Variants in CD36 observed in about 807,000 individuals in gnomAD.
The protein encoded by CD36 is CD36 molecule (CD36 blood group).
A neutral mutation model predicts 55.2 loss-of-function variants in CD36; 119 were observed. That is an observed-to-expected ratio of 2.15 (90% CI 1.86 to 2.51). CD36 has a LOEUF of 2.51. Among genes scored for constraint, CD36 ranks in the 30% most tolerant of loss-of-function variants. The probability of loss-of-function intolerance (pLI) is 0.00; values close to 1 mark genes in which losing one functional copy is unlikely to be tolerated. For synonymous variants in CD36, 186 were observed against 193.6 expected (o/e 0.96, Z 0.33); for missense variants, 819 against 555.5 (o/e 1.47, Z -4.77).
intron 3 of CD36, among the ~76,000 whole-genome samples, chr7:80,647,473 T>A (rs754535610): frequency 1.4e-4 from 21 of 152,150 alleles, no homozygotes; most frequent in Admixed American, 3.3e-4. Context: ...TGTCTTAGTA[T>A]AAAACAAATT....
chr7:80,656,072 A>C (rs187237021), intron 3 of CD36, among the ~76,000 whole-genome samples: 56 of 152,158 alleles, frequency 3.7e-4, no homozygotes, highest in Admixed American at 7.9e-4. Context: ...GAAGTGTCCA[A>C]CTCTTGAAGG....
rs1795095070 is a variant in CD36 at position 80,645,430 on chromosome 7, G to GT, written c.-183-658_-183-657insT. Among the ~76,000 whole-genome samples, 3 of 151,540 alleles carry GT rather than the reference G, an allele frequency of 2.0e-5. No homozygotes were observed. In the South Asian group the frequency reaches 6.3e-4, roughly 32 times the overall value. ...GGGTGGATCACGAGGTCAGGAGTTC[G>GT]AGACCAGCCTGACCAACATGGTGAA... On this transcript the variant is annotated intron_variant, in intron 1 of 14. Coordinates refer to ENST00000447544, the MANE Select transcript of CD36 (RefSeq NM_001001548.3).
intron 1 of CD36, among the ~76,000 whole-genome samples, chr7:80,603,275 C>T (rs1022391683): frequency 2.6e-5 from 4 of 152,238 alleles, no homozygotes; most frequent in African/African-American, 9.6e-5. Context: ...CCATGCTATT[C>T]TGCTATTCTA....
chr7:80,648,836 A>G (rs1217127299), intron 3 of CD36, among the ~76,000 whole-genome samples: 1 of 152,220 alleles, frequency 6.6e-6, no homozygotes, highest in South Asian at 2.1e-4. Context: ...TGCAGTAACC[A>G]TATTAAAGGA....
At chr7:80,622,246 G>C (rs1465132229) in intron 1 of CD36, among the ~76,000 whole-genome samples, 2 of 152,142 alleles carry the variant, frequency 1.3e-5, no homozygotes, top group African/African-American at 2.4e-5. Flanking sequence ...ATTCTTCTGG[G>C]GCACGAGACA....
At chr7:80,643,387 GT>G (rs1794945550) in intron 1 of CD36, among the ~76,000 whole-genome samples, 1 of 152,136 alleles carries the variant, frequency 6.6e-6, no homozygotes, top group Non-Finnish European at 1.5e-5. Flanking sequence ...TTTTAGTGAA[GT>G]TTATGTGGAA....
chr7:80,637,042 A>T, upstream of CD36: 1 of 152,114 alleles, frequency 6.6e-6, no homozygotes, highest in East Asian at 1.9e-4. Context: ...TTTTGCATGT[A>T]TTTTTTCTGA....
intron 3 of CD36, among the ~76,000 whole-genome samples, chr7:80,656,162 G>A (rs1009982843): frequency 1.3e-5 from 2 of 152,098 alleles, no homozygotes; most frequent in African/African-American, 4.8e-5. Flanking sequence ...TAGGGGCAGA[G>A]AAGAAGTTCA....
At position 80,671,111 on chromosome 7, in the gene CD36, T is replaced by A; in HGVS notation, c.953T>A (p.Ile318Asn). ...DNYCFCTEKI[I>N]SKNCTSYGVL... ...TATTGTTTCTGCACAGAAAAAATTA[T>A]CTCAAAAAATTGTACATCATATGGT... is the stretch of plus-strand genomic sequence containing the variant. The change falls in exon 10 of 15, where the codon ATC (isoleucine) becomes AAC (asparagine). Residue 318 changes from isoleucine to asparagine, a missense_variant. Ile to Asn is a moderately radical substitution (Grantham distance 149). Transcript: ENST00000447544. The A allele has an allele frequency of 6.2e-7, 1 of 1,613,488 alleles. No homozygotes were observed. The highest frequency in any genetic ancestry group is 8.5e-7 in the Non-Finnish European group (1 of 1,179,668).
At chr7:80,620,980 G>A (rs1793437397) in intron 1 of CD36, among the ~76,000 whole-genome samples, 2 of 152,144 alleles carry the variant, frequency 1.3e-5, no homozygotes. Flanking sequence ...AGCATTGCAT[G>A]CTATAGAAAA....
At chr7:80,642,701 A>T (rs937660915) in intron 1 of CD36, among the ~76,000 whole-genome samples, 1 of 152,170 alleles carries the variant, frequency 6.6e-6, no homozygotes, top group African/African-American at 2.4e-5. Flanking sequence ...CTTAGGAAAA[A>T]GGTAGAAACT....
At chr7:80,663,983 T>C (rs1489305184) in intron 6 of CD36, among the ~76,000 whole-genome samples, 1 of 152,158 alleles carries the variant, frequency 6.6e-6, no homozygotes, top group Non-Finnish European at 1.5e-5. Context: ...ATGCTTTAAC[T>C]TTTGGATGTC....
In CD36 at chr7:80,671,134, G is replaced by T. The variant is rs1797636967; in HGVS notation, c.976G>T (p.Gly326Cys). The change falls in exon 10 of 15, where the codon GGT becomes TGT. Residue 326 changes from glycine (G) to cysteine (C), a missense_variant. Transcript: ENST00000447544. ...KIISKNCTSY[G>C]VLDISKCKEG... Reference sequence around the variant, plus strand: ...TATCTCAAAAAATTGTACATCATATGGTGTGCTAGACATCAGCAAATGCAA... The same window carrying T: ...TATCTCAAAAAATTGTACATCATATTGTGTGCTAGACATCAGCAAATGCAA... 3 of 1,612,570 alleles carry T rather than the reference G, an allele frequency of 1.9e-6. No homozygotes were observed. The African/African-American group carries it at 4.0e-5, about 22-fold the overall frequency.
intron 1 of CD36, among the ~76,000 whole-genome samples, chr7:80,628,224 A>C (rs1210656939): frequency 1.3e-5 from 2 of 152,046 alleles, no homozygotes; most frequent in East Asian, 3.9e-4. Context: ...AAAAAATTTG[A>C]GCACCTATTA....
At chr7:80,628,752 G>T (rs902936383) in intron 1 of CD36, among the ~76,000 whole-genome samples, 4 of 152,076 alleles carry the variant, frequency 2.6e-5, no homozygotes, top group African/African-American at 9.6e-5. Context: ...AGCACAGTTT[G>T]GTTTTATGCA....
chr7:80,674,327 T>TA, intron 14 of CD36, 180 bp downstream of exon 14: 1 of 563,206 alleles, frequency 1.8e-6, no homozygotes, highest in South Asian at 2.1e-5. Flanking sequence ...CACTAAAGTA[T>TA]ATCTTTAATT....
At chr7:80,631,068 G>C in intron 1 of CD36, among the ~76,000 whole-genome samples, 1 of 152,014 alleles carries the variant, frequency 6.6e-6, no homozygotes, top group East Asian at 1.9e-4. Context: ...AAGTCTCTGA[G>C]GATCTAAGTG....
In CD36 at chr7:80,676,768, C is replaced by T. The variant is rs1395936437; in HGVS notation, c.*385C>T. On this transcript the variant is annotated 3_prime_UTR_variant, in exon 15 of 15. Transcript: ENST00000447544. Reference sequence around the variant, plus strand: ...GGTTTATATTTTAAGGACCTTCATTCTCTGTTCTGCACCTCTTCTGGAAAT... The same window carrying T: ...GGTTTATATTTTAAGGACCTTCATTTTCTGTTCTGCACCTCTTCTGGAAAT... The T allele has an allele frequency of 6.6e-6, 1 of 151,036 alleles. No individual in the cohort carries two copies. The highest frequency in any genetic ancestry group is 6.6e-5 in the Admixed American group (1 of 15,150). The allele number at this position is 151,036 out of a possible 1,614,324, so 9.4% of individuals were successfully genotyped here. A position where few individuals can be genotyped will look rare whatever the true frequency, so the allele number is the denominator to read the frequency against.
chr7:80,674,927 T>C (rs1798098637), intron 14 of CD36, among the ~76,000 whole-genome samples: 1 of 152,116 alleles, frequency 6.6e-6, no homozygotes, highest in African/African-American at 2.4e-5. Context: ...TGATCCCTAA[T>C]ACAATTTCAT....
Sources: allele counts gnomAD v4.1 joint callset (sites outside exome capture counted in the v4.1 genomes callset), GRCh38; gene constraint gnomAD v4.1.1; transcripts MANE v1.5; gene names NCBI Gene and HGNC (gene_info 2026-07-23, HGNC 2026-07-21).